PCDHGA2: variants seen among roughly 807,000 people sequenced by gnomAD.
The protein encoded by PCDHGA2 is protocadherin gamma subfamily A, 2.
Under a neutral mutation model 59.2 loss-of-function variants are expected in PCDHGA2, and 40 were observed. The ratio of observed to expected loss-of-function variants is 0.68; its 90% CI spans 0.52 to 0.88. PCDHGA2 has a LOEUF of 0.88. Among genes scored for constraint, PCDHGA2 ranks in the 40% least tolerant of loss-of-function variants. The pLI is 0.00. For synonymous variants in PCDHGA2, 560 were observed against 526.0 expected, an observed-to-expected ratio of 1.06 and a Z score of -0.89; for missense variants, 1,226 against 1,204.0, an observed-to-expected ratio of 1.02 and a Z score of -0.27.
intron 1 of PCDHGA2, among the ~76,000 whole-genome samples, chr5:141,451,435 G>T (rs947210577): frequency 6.6e-6 from 1 of 152,234 alleles, no homozygotes; most frequent in Non-Finnish European, 1.5e-5. Flanking sequence ...AAGGGTTCCA[G>T]TTCCTTGCTG....
chr5:141,489,713 A>G lies in PCDHGA2; in HGVS notation c.2425-5094A>G. On this transcript the variant is annotated intron_variant, in intron 1 of 3. Coordinates refer to ENST00000394576, the MANE Select transcript of PCDHGA2 (RefSeq NM_018915.4). The surrounding 1 kb of genome is among the most constrained non-coding windows in gnomAD (Gnocchi z 4.5). The stretch of plus-strand genomic sequence containing the variant: ...GCACGATTCCCACTGGACAGTGCCC[A>G]GGATCCGGATGTGGGCACCAATACT... 1.9e-6 allele frequency: 3 copies of G among 1,614,162 alleles called. No individual in the cohort carries two copies. The highest frequency in any genetic ancestry group is 2.5e-6 in the Non-Finnish European group (3 of 1,179,968).
intron 1 of PCDHGA2, chr5:141,365,631 C>G (rs973353724): frequency 6.2e-7 from 1 of 1,613,644 alleles, no homozygotes; most frequent in African/African-American, 1.3e-5. Flanking sequence ...CCCCTCTCTA[C>G]AGAAAGCCAC....
At chr5:141,371,998 G>A (rs893704391) in intron 1 of PCDHGA2, 3 of 1,613,266 alleles carry the variant, frequency 1.9e-6, no homozygotes, top group Non-Finnish European at 1.7e-6. Flanking sequence ...CTGCAGGCCC[G>A]CGACCAGGGC....
In PCDHGA2 at chr5:141,490,291, C is replaced by T; in HGVS notation, c.2425-4516C>T. 6.2e-7 allele frequency: 1 copy of T among 1,614,212 alleles called. No homozygotes were observed. Among genetic ancestry groups the T allele is most frequent in the Non-Finnish European group, 8.5e-7 (1 of 1,180,048 alleles). On this transcript the variant is annotated intron_variant, in intron 1 of 3. Transcript: ENST00000394576. The surrounding 1 kb of genome is among the most constrained non-coding windows in gnomAD (Gnocchi z 5.4). ...TGTCAATGACAATGCCCCAGAGGTG[C>T]TATTGGCCTCTTTGGCCAACCCTGT...
chr5:141,374,196 A>T, intron 1 of PCDHGA2: 1 of 1,613,838 alleles, frequency 6.2e-7, no homozygotes, highest in Non-Finnish European at 8.5e-7. Flanking sequence ...ATTCCCGAGG[A>T]GCTGGAGAAA....
At chr5:141,426,714 C>T (rs779529448) in intron 1 of PCDHGA2, 2 of 444,724 alleles carry the variant, frequency 4.5e-6, no homozygotes, top group South Asian at 3.1e-5. Flanking sequence ...AATCAATGAA[C>T]TAGCAATTCC....
intron 1 of PCDHGA2, chr5:141,360,196 C>G (rs770642245): frequency 2.5e-6 from 4 of 1,612,440 alleles, no homozygotes; most frequent in Non-Finnish European, 3.4e-6. Flanking sequence ...GTTGCCCTTC[C>G]TGTTGTCTTT....
intron 1 of PCDHGA2, chr5:141,410,199 A>G: frequency 6.2e-7 from 1 of 1,613,998 alleles, no homozygotes; most frequent in South Asian, 1.1e-5. Flanking sequence ...GTCTTCGCAG[A>G]CAACTTGCAA....
Position 141,510,974 on chromosome 5 carries a change from G to T in PCDHGA2, c.2600G>T (p.Gly867Val). The T allele has an allele frequency of 6.2e-7, 1 of 1,614,150 alleles. No homozygotes were observed. The highest frequency in any genetic ancestry group is 1.1e-5 in the South Asian group (1 of 91,088). ...SEAADGSSTL[G>V]GGAGTMGLSA... ...GCTGCTGATGGGAGCTCCACCCTGG[G>T]AGGGGGTGCCGGCACCATGGGATTG... is the stretch of plus-strand genomic sequence containing the variant. The change falls in exon 4 of 4, where the codon GGA becomes GTA. Residue 867 changes from glycine (G) to valine (V), a missense_variant. Physicochemically the swap from Gly to Val is moderately radical, Grantham distance 109. Transcript: ENST00000394576.
chr5:141,422,968 C>T lies in PCDHGA2; in HGVS notation c.2425-71839C>T. 6.2e-7 allele frequency: 1 copy of T among 1,614,240 alleles called. No homozygotes were observed. Among genetic ancestry groups the T allele is most frequent in the South Asian group, 1.1e-5 (1 of 91,086 alleles). On this transcript the variant is annotated intron_variant, in intron 1 of 3. Coordinates refer to ENST00000394576, the MANE Select transcript of PCDHGA2 (RefSeq NM_018915.4). ...CTCCACTGGCGTGGAGCTGGCGCCC[C>T]GCTCTGCGGAACCTGGCTACCTGGT...
At chr5:141,364,922 C>A (rs1201913698) in intron 1 of PCDHGA2, 1 of 1,613,948 alleles carries the variant, frequency 6.2e-7, no homozygotes, top group East Asian at 2.2e-5. Flanking sequence ...GGTGTTGGAA[C>A]AGCCCCTAGA....
rs1415142555 is a variant in PCDHGA2, at chr5:141,476,011, A to G, written c.2425-18796A>G. The G allele has an allele frequency of 7.6e-7, 1 of 1,311,282 alleles. No individual in the cohort carries two copies. The highest frequency in any genetic ancestry group is 1.0e-6 in the Non-Finnish European group (1 of 962,238). 81.2% of individuals were successfully genotyped at this position (1,311,282 alleles called of 1,614,324 possible). ...GCAAATCAACGGCATCCAGAAAGCC[A>G]TGTCGGACTCGGCGCCCAGCGCCCA... On this transcript the variant is annotated intron_variant, in intron 1 of 3. Coordinates refer to ENST00000394576, the MANE Select transcript of PCDHGA2 (RefSeq NM_018915.4). This position sits in a 1 kb window ranked among gnomAD's most constrained non-coding sequence, Gnocchi z 7.6.
intron 1 of PCDHGA2, chr5:141,394,269 C>G (rs367765478): frequency 1.1e-5 from 17 of 1,613,830 alleles, no homozygotes; most frequent in Admixed American, 1.7e-5. Flanking sequence ...GGAGAATGCC[C>G]AGGTCACTTA....
chr5:141,382,890 C>A, intron 1 of PCDHGA2: 2 of 1,532,810 alleles, frequency 1.3e-6, no homozygotes, highest in Non-Finnish European at 1.8e-6. Flanking sequence ...GCAAGAGAAG[C>A]AGGACGACTA....
chr5:141,366,774 G>A, intron 1 of PCDHGA2: 1 of 1,595,562 alleles, frequency 6.3e-7, no homozygotes, highest in East Asian at 2.2e-5. Context: ...TTTCGGTAAG[G>A]ATGACCAGAA....
chr5:141,399,570 C>T (rs1297172097), intron 1 of PCDHGA2: 1 of 1,614,044 alleles, frequency 6.2e-7, no homozygotes, highest in Non-Finnish European at 8.5e-7. Context: ...GGTTGAACGG[C>T]CAAGTCTCCT....
At chr5:141,382,105 G>A (rs1265846285) in intron 1 of PCDHGA2, among the ~76,000 whole-genome samples, 7 of 152,166 alleles carry the variant, frequency 4.6e-5, no homozygotes, top group African/African-American at 1.7e-4. Flanking sequence ...TGGGATTACA[G>A]GCGTGAGCAA....
chr5:141,419,276 C>G (rs1361651445), intron 1 of PCDHGA2: 1 of 1,613,920 alleles, frequency 6.2e-7, no homozygotes, highest in African/African-American at 1.3e-5. Flanking sequence ...CTCCATAGCG[C>G]AAGTCAGTGC....
chr5:141,489,563 T>C lies in PCDHGA2; in HGVS notation c.2425-5244T>C, dbSNP rs2099689031. ...ACCAGCTGCCTGCTGCCAGTGCAGG[T>C]GGTGACTGAACACCCCCTGGAGCTA... On this transcript the variant is annotated intron_variant, in intron 1 of 3. Coordinates refer to ENST00000394576, the MANE Select transcript of PCDHGA2 (RefSeq NM_018915.4). The surrounding 1 kb of genome is among the most constrained non-coding windows in gnomAD (Gnocchi z 4.5). 13 of 1,614,006 alleles carry C rather than the reference T, an allele frequency of 8.1e-6. No homozygotes were observed. The highest frequency in any genetic ancestry group is 1.1e-5 in the Non-Finnish European group (13 of 1,179,976).
Sources: gnomAD v4.1 joint callset for allele counts (sites outside exome capture counted in the v4.1 genomes callset) on GRCh38, gnomAD v4.1.1 for gene constraint, Gnocchi (gnomAD v3.1) non-coding constraint, MANE v1.5 for transcripts, NCBI Gene and HGNC (gene_info 2026-07-23, HGNC 2026-07-21) for gene names.